The following GLIS3 variants were observed in gnomAD, a reference collection of about 807,000 sequenced individuals.
The protein encoded by GLIS3 is GLIS family zinc finger 3, also known as zinc finger protein GLIS3.
Under a neutral mutation model 78.6 loss-of-function variants are expected in GLIS3, and 53 were observed. The observed-to-expected ratio is 0.67, with a 90% CI of 0.54 to 0.85. GLIS3 has a LOEUF of 0.85. Among genes scored for constraint, GLIS3 ranks in the 40% least tolerant of loss-of-function variants. The probability of loss-of-function intolerance (pLI) is 0.00; values close to 1 mark genes in which losing one functional copy is unlikely to be tolerated. For synonymous variants in GLIS3, 684 were observed against 509.9 expected, an observed-to-expected ratio of 1.34 and a Z score of -4.60; for missense variants, 1,703 against 1,231.1, an observed-to-expected ratio of 1.38 and a Z score of -5.74.
chr9:4,237,899 C>T (rs904581898), intron 2 of GLIS3, among the ~76,000 whole-genome samples: 3 of 152,210 alleles, frequency 2.0e-5, no homozygotes, highest in African/African-American at 4.8e-5. Flanking sequence ...ACTTTCCCTT[C>T]CCTAGTTAAT....
chr9:4,418,231 T>C, the GLIS3 span, among the ~76,000 whole-genome samples: 1 of 151,044 alleles, frequency 6.6e-6, no homozygotes, highest in South Asian at 2.1e-4. Context: ...CTGCTAGAGA[T>C]GGCTGAGGCA....
intron 1 of GLIS3, among the ~76,000 whole-genome samples, chr9:4,290,750 A>C (rs1225995161): frequency 1.3e-5 from 2 of 152,170 alleles, no homozygotes; most frequent in Non-Finnish European, 2.9e-5. Flanking sequence ...TTTATTGGCA[A>C]CAATATAAAC....
At chr9:4,203,847 A>C (rs190059688) in intron 2 of GLIS3, among the ~76,000 whole-genome samples, 29 of 152,362 alleles carry the variant, frequency 1.9e-4, no homozygotes, top group Admixed American at 1.4e-3. Flanking sequence ...TAAGTGAATT[A>C]ACACAAGAAC....
chr9:4,369,947 T>C, the GLIS3 span, among the ~76,000 whole-genome samples: 1 of 152,100 alleles, frequency 6.6e-6, no homozygotes, highest in Admixed American at 6.5e-5. Context: ...ATCCCAGCAT[T>C]TTGGGAGGCC....
chr9:4,122,375 T>C (rs754716401), intron 3 of GLIS3, among the ~76,000 whole-genome samples: 1 of 152,202 alleles, frequency 6.6e-6, no homozygotes, highest in Non-Finnish European at 1.5e-5. Context: ...TAGTACTGTA[T>C]CTAAAGACAG....
intron 2 of GLIS3, among the ~76,000 whole-genome samples, chr9:4,168,178 TACACACACACACACAGACGC>T (rs1816041247): frequency 6.6e-6 from 1 of 150,886 alleles, no homozygotes; most frequent in Non-Finnish European, 1.5e-5. Context: ...CTCTCTCTCT[TACACACACACACACAGACGC>T]ACACACACAC....
At chr9:4,403,534 CAAAG>C in the GLIS3 span, among the ~76,000 whole-genome samples, 7 of 152,012 alleles carry the variant, frequency 4.6e-5, no homozygotes, top group African/African-American at 1.7e-4. Context: ...CACAATAAAA[CAAAG>C]AGAAGCTACA....
chr9:4,327,025 G>A (rs529582922), intron 2 of GLIS3, among the ~76,000 whole-genome samples: 1 of 152,224 alleles, frequency 6.6e-6, no homozygotes, highest in Non-Finnish European at 1.5e-5. Flanking sequence ...AGAGTCAGGT[G>A]GGGTAGACAG....
intron 2 of GLIS3, among the ~76,000 whole-genome samples, chr9:4,166,334 G>T (rs892086758): frequency 2.0e-5 from 3 of 152,150 alleles, no homozygotes; most frequent in African/African-American, 7.2e-5. Flanking sequence ...GGGTGGAAAG[G>T]AAAGCTGCAG....
intron 4 of GLIS3, among the ~76,000 whole-genome samples, chr9:4,090,398 A>T (rs1289697438): frequency 6.6e-6 from 1 of 152,154 alleles, no homozygotes; most frequent in African/African-American, 2.4e-5. Flanking sequence ...ACTTGGTTAC[A>T]GTACCCAGGA....
chr9:4,020,693 T>C (rs557170477), intron 4 of GLIS3, among the ~76,000 whole-genome samples: 4 of 152,332 alleles, frequency 2.6e-5, no homozygotes, highest in African/African-American at 9.6e-5. Context: ...ATGAGATGCA[T>C]TTTAGACTTC....
intron 4 of GLIS3, among the ~76,000 whole-genome samples, chr9:3,951,882 A>ACACACG (rs756794557): frequency 0.051 from 7,438 of 146,768 alleles, 268 homozygotes; most frequent in Middle Eastern, 0.085. Context: ...ACACACACAC[A>ACACACG]CACGCACGCA....
At chr9:4,419,647 G>A in the GLIS3 span, among the ~76,000 whole-genome samples, 2 of 142,578 alleles carry the variant, frequency 1.4e-5, no homozygotes, top group African/African-American at 6.2e-5. Context: ...GGGCGTGGTG[G>A]TCCACGCCTG....
the GLIS3 span, among the ~76,000 whole-genome samples, chr9:4,475,833 T>C: frequency 6.6e-6 from 1 of 152,136 alleles, no homozygotes; most frequent in Non-Finnish European, 1.5e-5. Flanking sequence ...CTACCTACAG[T>C]GGGAGAGAGG....
intron 2 of GLIS3, among the ~76,000 whole-genome samples, chr9:4,317,392 C>A (rs1357077809): frequency 6.6e-6 from 1 of 152,184 alleles, no homozygotes; most frequent in Non-Finnish European, 1.5e-5. Flanking sequence ...GCAGCCTCCA[C>A]ACACATTTCC....
intron 2 of GLIS3, among the ~76,000 whole-genome samples, chr9:4,176,114 C>T (rs981275882): frequency 6.6e-6 from 1 of 152,132 alleles, no homozygotes; most frequent in African/African-American, 2.4e-5. Context: ...AGGCTCTAGC[C>T]CCCTCCTCAT....
intron 4 of GLIS3, among the ~76,000 whole-genome samples, chr9:3,991,449 C>G (rs1366369242): frequency 1.3e-5 from 2 of 152,074 alleles, no homozygotes; most frequent in Admixed American, 6.5e-5. Context: ...CTGGACATAA[C>G]AGCTGAAGTT....
intron 4 of GLIS3, among the ~76,000 whole-genome samples, chr9:3,986,889 CAT>C (rs1819782219): frequency 1.3e-5 from 2 of 152,340 alleles, no homozygotes; most frequent in South Asian, 4.1e-4. Context: ...AGTTTCCAAA[CAT>C]ATGAAATGTG....
chr9:3,906,898 C>T (rs1190921863), intron 6 of GLIS3, among the ~76,000 whole-genome samples: 2 of 152,206 alleles, frequency 1.3e-5, no homozygotes, highest in Non-Finnish European at 2.9e-5. Flanking sequence ...CTGCAAACTT[C>T]CCACGTAGCA....
Sources: allele counts gnomAD v4.1 joint callset (sites outside exome capture counted in the v4.1 genomes callset), GRCh38; gene constraint gnomAD v4.1.1; transcripts MANE v1.5; gene names NCBI Gene and HGNC (gene_info 2026-07-23, HGNC 2026-07-21).